The following COL21A1 variants were observed in gnomAD, a reference collection of about 807,000 sequenced individuals.
The protein encoded by COL21A1 is collagen type XXI alpha 1 chain, also known as collagen alpha-1(XXI) chain.
A neutral mutation model predicts 137.9 loss-of-function variants in COL21A1; 149 were observed. The ratio of observed to expected loss-of-function variants is 1.08; its 90% confidence interval spans 0.95 to 1.24. The LOEUF (loss-of-function observed/expected upper bound fraction) is 1.24, where lower values mean the gene tolerates loss of function less well. COL21A1 is among the 50% of genes most tolerant of loss of function. The pLI is 0.00. For synonymous variants in COL21A1, 456 were observed against 391.5 expected (o/e 1.16, Z -1.95); for missense variants, 1,167 against 1,158.4 (o/e 1.01, Z -0.11).
chr6:56,257,752 A>G (rs1763140546), intron 1 of COL21A1, among the ~76,000 whole-genome samples: 1 of 152,184 alleles, frequency 6.6e-6, no homozygotes, highest in African/African-American at 2.4e-5. Flanking sequence ...AATTCATGTA[A>G]TTTTCAAATA....
chr6:56,082,667 G>T (rs746975726), intron 17 of COL21A1, among the ~76,000 whole-genome samples: 7 of 149,310 alleles, frequency 4.7e-5, no homozygotes, highest in Non-Finnish European at 7.4e-5. Flanking sequence ...TATTTTTTTT[G>T]AATTTTATAT....
intron 1 of COL21A1, among the ~76,000 whole-genome samples, chr6:56,277,296 C>A (rs1409034147): frequency 2.0e-5 from 3 of 152,166 alleles, no homozygotes; most frequent in Non-Finnish European, 4.4e-5. Flanking sequence ...CCTCCCCACT[C>A]CCCTCAACCC....
At chr6:56,078,273 T>C (rs1174691577) in intron 17 of COL21A1, 2 of 452,490 alleles carry the variant, frequency 4.4e-6, no homozygotes, top group South Asian at 1.6e-5. Context: ...AGAAGAGTTC[T>C]ATTGTCTGCC....
At chr6:56,259,424 C>G (rs151133543) in intron 1 of COL21A1, among the ~76,000 whole-genome samples, 140 of 152,326 alleles carry the variant, frequency 9.2e-4, no homozygotes, top group African/African-American at 3.1e-3. Flanking sequence ...AGCGCTCACT[C>G]ACTAATTATG....
At chr6:56,253,604 T>A (rs1307153415) in intron 1 of COL21A1, among the ~76,000 whole-genome samples, 1 of 152,188 alleles carries the variant, frequency 6.6e-6, no homozygotes, top group Non-Finnish European at 1.5e-5. Flanking sequence ...ACTTCTGTAT[T>A]TTTCCCTATG....
chr6:56,097,871 CTATAAATATATAAATATA>C lies in COL21A1; in HGVS notation c.1812+3583_1812+3600del, dbSNP rs1284409292. 1.9e-4 allele frequency among the ~76,000 whole-genome samples: 8 copies of C among 41,736 alleles called. 1 individual carries two copies. Among genetic ancestry groups the C allele is most frequent in the African/African-American group, 3.3e-4 (5 of 15,332 alleles). 27.4% of individuals were successfully genotyped at this position (41,736 alleles called of 152,430 possible). On this transcript the variant is annotated intron_variant, in intron 17 of 29. Transcript: ENST00000244728. Reference sequence around the variant, plus strand: ...AATATATATAAATATATAAAAATATCTATAAATATATAAATATATATAAATATATAAATATATAAATAT... The same window carrying C: ...AATATATATAAATATATAAAAATATCTATAAATATATAAATATATAAATAT...
chr6:56,130,600 T>C (rs1363202454), intron 12 of COL21A1, among the ~76,000 whole-genome samples: 1 of 152,134 alleles, frequency 6.6e-6, no homozygotes, highest in African/African-American at 2.4e-5. Context: ...TTATTGGAGA[T>C]GGCAAACAGA....
chr6:56,098,062 A>T (rs1201701681), intron 17 of COL21A1, among the ~76,000 whole-genome samples: 7 of 486 alleles, frequency 0.014, no homozygotes, highest in Non-Finnish European at 0.027. Flanking sequence ...AATATATATA[A>T]ATATATAAAT....
chr6:56,260,685 A>AAGTC (rs1763243265), intron 1 of COL21A1, among the ~76,000 whole-genome samples: 1 of 105,218 alleles, frequency 9.5e-6, no homozygotes, highest in Non-Finnish European at 1.8e-5. Flanking sequence ...GGAAGGAAGG[A>AAGTC]AGGAAGGCAG....
At chr6:56,241,058 A>T (rs745978020) in intron 1 of COL21A1, among the ~76,000 whole-genome samples, 2 of 152,090 alleles carry the variant, frequency 1.3e-5, no homozygotes, top group Non-Finnish European at 2.9e-5. Flanking sequence ...AGCTCTGTCC[A>T]TTCCTATACC....
In COL21A1 at chr6:56,101,475, C is replaced by T; in HGVS notation, c.1809G>A (p.Glu603=). Residue 603 remains glutamate, a synonymous_variant, in exon 17 of 30, where the codon GAG becomes GAA. Transcript: ENST00000244728. ...ACTGAAATGAGAAGGTACTCACAGG[C>T]TCTCCCCGTGTTCCATCCTGCCCCG... ...GAPGQDGTRG[E]PGIPGFPGNR... 1 of 1,592,562 alleles carries T rather than the reference C, an allele frequency of 6.3e-7. No homozygotes were observed. The highest frequency in any genetic ancestry group is 8.6e-7 in the Non-Finnish European group (1 of 1,167,540).
intron 9 of COL21A1, among the ~76,000 whole-genome samples, chr6:56,163,228 C>T (rs1776313102): frequency 6.6e-6 from 1 of 152,138 alleles, no homozygotes; most frequent in Admixed American, 6.5e-5. Context: ...GTGATCAATA[C>T]ACATAAACAT....
chr6:56,293,717 T>C (rs1336735987), intron 1 of COL21A1, among the ~76,000 whole-genome samples: 3 of 152,104 alleles, frequency 2.0e-5, no homozygotes, highest in African/African-American at 7.2e-5. Context: ...AATTATCAAA[T>C]AAATCTAAGA....
At chr6:56,357,252 C>T (rs1488773151) in intron 1 of COL21A1, among the ~76,000 whole-genome samples, 2 of 152,042 alleles carry the variant, frequency 1.3e-5, no homozygotes, top group Non-Finnish European at 2.9e-5. Flanking sequence ...TAAAGAGTAC[C>T]ACATCATACT....
At chr6:56,133,741 T>C (rs62413469) in intron 12 of COL21A1, among the ~76,000 whole-genome samples, 22,837 of 152,148 alleles carry the variant, frequency 0.15, 1,749 homozygotes, top group Middle Eastern at 0.22. Flanking sequence ...CCCTACGTTC[T>C]AGCCACTCCA....
At chr6:56,245,923 G>C (rs952236299) in intron 1 of COL21A1, among the ~76,000 whole-genome samples, 1 of 152,194 alleles carries the variant, frequency 6.6e-6, no homozygotes, top group African/African-American at 2.4e-5. Flanking sequence ...AGTTAGCCCT[G>C]TGTTCATTGC....
At chr6:56,343,497 T>A (rs1448130827) in intron 1 of COL21A1, among the ~76,000 whole-genome samples, 1 of 152,234 alleles carries the variant, frequency 6.6e-6, no homozygotes, top group African/African-American at 2.4e-5. Context: ...AAACTTTATT[T>A]CGACCACATG....
At chr6:56,195,656 C>G (rs1407397347) in intron 1 of COL21A1, among the ~76,000 whole-genome samples, 1 of 151,840 alleles carries the variant, frequency 6.6e-6, no homozygotes, top group Non-Finnish European at 1.5e-5. Flanking sequence ...TTTCTAGAAA[C>G]TTAAAACTTA....
At chr6:56,361,939 C>A (rs999143517) in intron 1 of COL21A1, among the ~76,000 whole-genome samples, 2 of 152,154 alleles carry the variant, frequency 1.3e-5, no homozygotes, top group Admixed American at 6.5e-5. Flanking sequence ...CAGACGTAAC[C>A]TTTTCCTTTG....
Sources: gnomAD v4.1 joint callset for allele counts (sites outside exome capture counted in the v4.1 genomes callset) on GRCh38, gnomAD v4.1.1 for gene constraint, MANE v1.5 for transcripts, NCBI Gene and HGNC (gene_info 2026-07-23, HGNC 2026-07-21) for gene names.